Variants in CPT1C observed in about 807,000 individuals in gnomAD.
CPT1C encodes palmitoyl thioesterase CPT1C.
CPT1C carries 61 observed loss-of-function variants against 97.3 expected under a neutral mutation model. The observed-to-expected ratio is 0.63, with a 90% CI of 0.51 to 0.78. The LOEUF (loss-of-function observed/expected upper bound fraction) is 0.78, where lower values mean the gene tolerates loss of function less well. Among genes scored for constraint, CPT1C ranks in the 30% least tolerant of loss-of-function variants. CPT1C has a pLI of 0.00. For missense variants in CPT1C, 975 were observed against 1,065.5 expected (o/e 0.92, Z 1.18); for synonymous variants, 469 against 447.2 (o/e 1.05, Z -0.61).
rs188984270 is a variant in CPT1C at position 49,704,460 on chromosome 19, C to T, written c.694-250C>T. Among the ~76,000 whole-genome samples the T allele has an allele frequency of 2.0e-5, 3 of 152,168 alleles. No individual in the cohort carries two copies. The East Asian group carries it at 5.8e-4, about 29-fold the overall frequency. ...TGCTGGGATTACAGGCGGGAGCCAC[C>T]GTGCCCAGCTGTACCTTGTTATTTC... On this transcript the variant is annotated intron_variant, in intron 7 of 19. Coordinates refer to ENST00000598293, the MANE Select transcript of CPT1C (RefSeq NM_001199753.2).
intron 3 of CPT1C, among the ~76,000 whole-genome samples, chr19:49,695,426 G>A (rs553870224): frequency 6.6e-6 from 1 of 151,498 alleles, no homozygotes; most frequent in African/African-American, 2.4e-5. Context: ...TGAGATTACA[G>A]GTGCCTGCCA....
In CPT1C at chr19:49,708,815, GC is replaced by G; in HGVS notation, c.1543del (p.Leu515CysfsTer15). On this transcript the variant is annotated frameshift_variant, in exon 14 of 20. Coordinates refer to ENST00000598293, the MANE Select transcript of CPT1C (RefSeq NM_001199753.2). LOFTEE classifies it high-confidence loss of function. ...ACCCCACACTACCCCAGCCCCAGCGGCTGCAATGGGACCTTCCAGACCAGGT... is the reference window on the plus strand; with the variant it reads ...ACCCCACACTACCCCAGCCCCAGCGGTGCAATGGGACCTTCCAGACCAGGT... ...PDPTLPQPQR[L>X]QWDLPDQIHS... 1 of 1,613,032 alleles carries G rather than the reference GC, an allele frequency of 6.2e-7. No homozygotes were observed. Among genetic ancestry groups the G allele is most frequent in the Non-Finnish European group, 8.5e-7 (1 of 1,179,328 alleles).
Position 49,701,329 on chromosome 19 carries a change from A to G in CPT1C, c.466A>G (p.Ile156Val), listed in dbSNP as rs764699216. The part of the protein sequence containing the change: ...PTKTWLALVR[I>V]FSGRHPMLFS... ...TCCTCCTCCCCAGGCCCTGGTCCGC[A>G]TCTTCTCTGGCCGCCACCCGATGCT... is the stretch of plus-strand genomic sequence containing the variant. The change falls in exon 6 of 20, where the codon ATC becomes GTC. Residue 156 changes from isoleucine (I) to valine (V), a missense_variant. Coordinates refer to ENST00000598293, the MANE Select transcript of CPT1C (RefSeq NM_001199753.2). 5 of 1,612,814 alleles carry G rather than the reference A, an allele frequency of 3.1e-6. No homozygotes were observed. The South Asian group carries it at 3.3e-5, about 11-fold the overall frequency.
rs756866946 is a variant in CPT1C, at chr19:49,705,075, C to A, written c.840C>A (p.Leu280=). ...ARAGNAVHAL[L]LYRHRLNRQE... Reference sequence around the variant, plus strand: ...CTGGGAATGCCGTCCATGCCCTCCTCCTGTACCGCCACCGCCTGAACCGCC... The same window carrying A: ...CTGGGAATGCCGTCCATGCCCTCCTACTGTACCGCCACCGCCTGAACCGCC... Residue 280 remains leucine, a synonymous_variant, in exon 9 of 20, where the codon CTC becomes CTA. Coordinates refer to ENST00000598293, the MANE Select transcript of CPT1C (RefSeq NM_001199753.2). The A allele has an allele frequency of 1.2e-6, 2 of 1,613,894 alleles. No homozygotes were observed. The highest frequency in any genetic ancestry group is 1.7e-6 in the Non-Finnish European group (2 of 1,179,952).
rs1484913329 is a variant in CPT1C, at chr19:49,710,367, T to G, written c.1614T>G (p.Ser538=). The change falls in exon 15 of 20, where the codon TCT becomes TCG. Residue 538 remains serine, a synonymous_variant. Transcript: ENST00000598293. Reference sequence around the variant, plus strand: ...CCCTGAGGGGAGCCAAGATCTTGTCTGAAAATGTCGACTGCCATGTCGTTC... The same window carrying G: ...CCCTGAGGGGAGCCAAGATCTTGTCGGAAAATGTCGACTGCCATGTCGTTC... ...SLALRGAKIL[S]ENVDCHVVPF... 6.2e-7 allele frequency: 1 copy of G among 1,614,048 alleles called. No individual in the cohort carries two copies. Among genetic ancestry groups the G allele is most frequent in the Non-Finnish European group, 8.5e-7 (1 of 1,180,026 alleles).
rs60563078 is a variant in CPT1C, at chr19:49,701,969, A to T, written c.693+335A>T. Among the ~76,000 whole-genome samples the T allele has an allele frequency of 3.4e-4, 34 of 99,756 alleles. 1 individual carries two copies. Among genetic ancestry groups the T allele is most frequent in the African/African-American group, 1.4e-3 (29 of 20,906 alleles). The allele number at this position is 99,756 out of a possible 152,430, so 65.4% of individuals were successfully genotyped here. ...TTATATATAAATATATTTATATATA[A>T]ATTTATAAATAAATATATAAATATT... On this transcript the variant is annotated intron_variant, in intron 7 of 19. Coordinates refer to ENST00000598293, the MANE Select transcript of CPT1C (RefSeq NM_001199753.2).
intron 3 of CPT1C, among the ~76,000 whole-genome samples, chr19:49,695,012 T>G (rs1464735700): frequency 2.0e-5 from 3 of 151,004 alleles, no homozygotes; most frequent in East Asian, 2.0e-4. Context: ...GTGGTGGCAG[T>G]CACCTGTAGT....
At chr19:49,712,701 T>C (rs2083982787) in intron 17 of CPT1C, 35 bp from the exon 18 acceptor site, 1 of 1,476,252 alleles carries the variant, frequency 6.8e-7, no homozygotes. Flanking sequence ...ACTGCAGATC[T>C]CTGTCCTGCA....
In CPT1C at chr19:49,706,335, C is replaced by T. The variant is rs749232107; in HGVS notation, c.1265C>T (p.Ala422Val). Residue 422 changes from alanine to valine, a missense_variant, in exon 12 of 20, where the codon GCG becomes GTG. Transcript: ENST00000598293. This position sits in a 1 kb window ranked among gnomAD's most constrained non-coding sequence, Gnocchi z 4.8. Reference sequence around the variant, plus strand: ...TTTGTGTCACTGGATGCTGAGCCCGCGGGGCTCACCAGGGAGGACCCGGCA... The same window carrying T: ...TTTGTGTCACTGGATGCTGAGCCCGTGGGGCTCACCAGGGAGGACCCGGCA... ...AFFVSLDAEP[A>V]GLTREDPAAS... The T allele has an allele frequency of 8.5e-6, 13 of 1,521,756 alleles. No individual in the cohort carries two copies. Among genetic ancestry groups the T allele is most frequent in the Middle Eastern group, 1.7e-4 (1 of 5,770 alleles). The allele number at this position is 1,521,756 out of a possible 1,614,324, so 94.3% of individuals were successfully genotyped here.
chr19:49,694,845 A>G (rs889275248), intron 3 of CPT1C, among the ~76,000 whole-genome samples: 1 of 152,008 alleles, frequency 6.6e-6, no homozygotes, highest in Non-Finnish European at 1.5e-5. Context: ...AAGTGTTAAC[A>G]TGTGACCATC....
chr19:49,711,016 G>T (rs1161835367), intron 16 of CPT1C, 159 bp downstream of exon 16: 4 of 688,634 alleles, frequency 5.8e-6, no homozygotes, highest in Non-Finnish European at 9.5e-6. Flanking sequence ...TCACTGATGG[G>T]GGGAGACAGC....
At chr19:49,699,838 C>T (rs1265473802) in intron 4 of CPT1C, among the ~76,000 whole-genome samples, 1 of 152,182 alleles carries the variant, frequency 6.6e-6, no homozygotes, top group Non-Finnish European at 1.5e-5. Flanking sequence ...CCTGCAGTCC[C>T]AGCTACTCGG....
intron 7 of CPT1C, among the ~76,000 whole-genome samples, chr19:49,702,399 C>T (rs67617277): frequency 0.12 from 18,341 of 150,374 alleles, 1,366 homozygotes; most frequent in Non-Finnish European, 0.17. Context: ...AGGCGGATCA[C>T]GTGAGGTCAA....
chr19:49,699,169 T>G (rs2082848119), intron 4 of CPT1C, among the ~76,000 whole-genome samples: 1 of 150,290 alleles, frequency 6.7e-6, no homozygotes, highest in East Asian at 1.9e-4. Context: ...CTCATGGGAG[T>G]GGCTGCATTA....
intron 19 of CPT1C, 141 bp from the exon 20 acceptor site, chr19:49,713,279 C>T: frequency 1.2e-6 from 1 of 841,988 alleles, no homozygotes; most frequent in Non-Finnish European, 1.8e-6. Context: ...GCCCCCAGCC[C>T]CTCCTCCCTC....
At chr19:49,708,122 T>C (rs952228079) in intron 13 of CPT1C, among the ~76,000 whole-genome samples, 2 of 149,172 alleles carry the variant, frequency 1.3e-5, no homozygotes, top group Non-Finnish European at 3.0e-5. Context: ...CTTTGATGAG[T>C]TGGTAACTGG....
chr19:49,698,327 T>C (rs2082787347), intron 4 of CPT1C, among the ~76,000 whole-genome samples: 1 of 151,772 alleles, frequency 6.6e-6, no homozygotes, highest in Non-Finnish European at 1.5e-5. Flanking sequence ...ATCATGCCAC[T>C]GCATTGCAGC....
intron 4 of CPT1C, 132 bp downstream of exon 4, chr19:49,697,597 G>T (rs1038379177): frequency 3.6e-6 from 4 of 1,112,784 alleles, no homozygotes; most frequent in Admixed American, 2.5e-5. Flanking sequence ...ATTAATAAAG[G>T]CATGGCATGA....
chr19:49,702,715 C>G (rs557810030), intron 7 of CPT1C, among the ~76,000 whole-genome samples: 26 of 151,652 alleles, frequency 1.7e-4, no homozygotes, highest in Non-Finnish European at 3.1e-4. Context: ...ACTGAGGATC[C>G]TGGACTCTTT....
Sources: gnomAD v4.1 joint callset for allele counts (sites outside exome capture counted in the v4.1 genomes callset) on GRCh38, gnomAD v4.1.1 for gene constraint, Gnocchi (gnomAD v3.1) non-coding constraint, MANE v1.5 for transcripts, NCBI Gene and HGNC (gene_info 2026-07-23, HGNC 2026-07-21) for gene names.